ZNF644: variants seen among roughly 807,000 people sequenced by gnomAD.
ZNF644 encodes the protein zinc finger motif enhancer binding protein 2.
In ZNF644, 20 loss-of-function variants were observed where a neutral mutation model predicts 108.0. The ratio of observed to expected loss-of-function variants is 0.19; its 90% CI spans 0.13 to 0.27. The LOEUF is 0.27. Among genes scored for constraint, ZNF644 ranks in the 10% least tolerant of loss-of-function variants. ZNF644 has a pLI of 1.00. For synonymous variants in ZNF644, 542 were observed against 539.1 expected (o/e 1.01, Z -0.08); for missense variants, 1,338 against 1,548.9 (o/e 0.86, Z 2.29).
chr1:90,963,337 C>T (rs1654517828), intron 2 of ZNF644, among the ~76,000 whole-genome samples: 1 of 151,924 alleles, frequency 6.6e-6, no homozygotes. Context: ...ATATTAATAC[C>T]GAGTGTTAGT....
At chr1:90,982,428 C>T (rs358691) in intron 1 of ZNF644, 58 bp from the exon 2 acceptor site, 1,051,456 of 1,160,318 alleles carry the variant, frequency 0.91, 477,503 homozygotes, top group East Asian at 1. Context: ...CATGAATAAC[C>T]ATAGCTACAA....
intron 1 of ZNF644, among the ~76,000 whole-genome samples, chr1:91,013,991 T>C (rs748419139): frequency 6.6e-6 from 1 of 152,206 alleles, no homozygotes; most frequent in Non-Finnish European, 1.5e-5. Context: ...CTTATATTTC[T>C]ATTGGGCAGT....
intron 4 of ZNF644, chr1:90,935,295 A>C (rs2100908518): frequency 1.1e-6 from 1 of 888,194 alleles, no homozygotes; most frequent in Non-Finnish European, 1.3e-6. Flanking sequence ...TCAGACTCAA[A>C]TGCAGCTTAC....
intron 4 of ZNF644, among the ~76,000 whole-genome samples, chr1:90,927,127 A>G (rs1479700988): frequency 6.6e-6 from 1 of 151,820 alleles, no homozygotes; most frequent in Non-Finnish European, 1.5e-5. Flanking sequence ...GGTCCATTCA[A>G]ATGCTAATTC....
intron 4 of ZNF644, among the ~76,000 whole-genome samples, chr1:90,921,428 A>C (rs1649427667): frequency 6.6e-6 from 1 of 151,932 alleles, no homozygotes; most frequent in African/African-American, 2.4e-5. Context: ...ACTTAAAAAC[A>C]AAAAACCCAC....
intron 2 of ZNF644, among the ~76,000 whole-genome samples, chr1:90,945,930 A>G (rs975670523): frequency 1.4e-4 from 21 of 152,178 alleles, no homozygotes; most frequent in Admixed American, 3.3e-4. Context: ...ATTAATTGCT[A>G]TATTACACAG....
Position 90,940,927 on chromosome 1 carries a change from G to A in ZNF644, c.427C>T (p.Pro143Ser). Residue 143 changes from proline to serine, a missense_variant, in exon 3 of 6, where the codon CCT becomes TCT. Coordinates refer to ENST00000337393, the MANE Select transcript of ZNF644 (RefSeq NM_201269.3). ...GATTCTGTTGTTGGCTGATCCACAG[G>A]CTGTCCAGTGGTTAATGAAACACTG... ...KGSVSLTTGQ[P>S]VDQPTTESCS... 1 of 1,614,096 alleles carries A rather than the reference G, an allele frequency of 6.2e-7. No individual in the cohort carries two copies.
At chr1:91,018,369 A>G (rs1046763730) in intron 1 of ZNF644, among the ~76,000 whole-genome samples, 2 of 152,130 alleles carry the variant, frequency 1.3e-5, no homozygotes, top group Admixed American at 6.5e-5. Flanking sequence ...TGACAACTTT[A>G]CTCAATATTT....
chr1:90,999,569 G>A (rs936319616), intron 1 of ZNF644, among the ~76,000 whole-genome samples: 2 of 152,164 alleles, frequency 1.3e-5, no homozygotes, highest in Non-Finnish European at 2.9e-5. Flanking sequence ...TCCGGTACCA[G>A]CCACTGCAAA....
chr1:90,998,037 A>C (rs1337043953), intron 1 of ZNF644, among the ~76,000 whole-genome samples: 1 of 152,194 alleles, frequency 6.6e-6, no homozygotes, highest in Non-Finnish European at 1.5e-5. Context: ...GTAGGTAAAC[A>C]AAGCGGCCAG....
intron 4 of ZNF644, among the ~76,000 whole-genome samples, chr1:90,931,743 A>T (rs1557555169): frequency 6.6e-6 from 1 of 152,078 alleles, no homozygotes; most frequent in Non-Finnish European, 1.5e-5. Context: ...CCTTTTACAA[A>T]TATTAGGGAA....
At chr1:90,947,735 C>T (rs1313620213) in intron 2 of ZNF644, among the ~76,000 whole-genome samples, 1 of 151,992 alleles carries the variant, frequency 6.6e-6, no homozygotes, top group Admixed American at 6.6e-5. Flanking sequence ...ATGGGGTTAC[C>T]TCCCAATAAA....
chr1:90,961,172 T>C (rs946173860), intron 2 of ZNF644, among the ~76,000 whole-genome samples: 7 of 152,110 alleles, frequency 4.6e-5, no homozygotes, highest in Non-Finnish European at 5.9e-5. Context: ...ATATGGAATT[T>C]AAAAACACAA....
chr1:91,012,557 G>A (rs1233367182), intron 1 of ZNF644, among the ~76,000 whole-genome samples: 1 of 152,146 alleles, frequency 6.6e-6, no homozygotes, highest in East Asian at 1.9e-4. Context: ...GGTTAAAATA[G>A]TGGTTACTTC....
chr1:90,986,176 A>G (rs1557632877), intron 1 of ZNF644, among the ~76,000 whole-genome samples: 1 of 152,122 alleles, frequency 6.6e-6, no homozygotes, highest in South Asian at 2.1e-4. Context: ...GAACACCTGA[A>G]TACTAAAATG....
At chr1:91,005,655 A>G (rs1057500987) in intron 1 of ZNF644, among the ~76,000 whole-genome samples, 15 of 152,206 alleles carry the variant, frequency 9.9e-5, no homozygotes, top group African/African-American at 3.1e-4. Context: ...GTGGAAATTA[A>G]GCAACAAACA....
chr1:90,956,083 C>G (rs1653728107), intron 2 of ZNF644, among the ~76,000 whole-genome samples: 1 of 152,132 alleles, frequency 6.6e-6, no homozygotes, highest in South Asian at 2.1e-4. Context: ...GGGAGAGAGA[C>G]AGGCAAGGAA....
chr1:90,974,876 C>T (rs1019992102), intron 2 of ZNF644, among the ~76,000 whole-genome samples: 4 of 152,214 alleles, frequency 2.6e-5, no homozygotes, highest in African/African-American at 9.6e-5. Flanking sequence ...CTTACTCTCT[C>T]GTCTAATCTC....
intron 4 of ZNF644, chr1:90,918,416 AC>A: frequency 2.4e-6 from 1 of 412,878 alleles, no homozygotes. Flanking sequence ...ATGCTTTACC[AC>A]ACCAAACTAG....
Sources: allele counts gnomAD v4.1 joint callset (sites outside exome capture counted in the v4.1 genomes callset), GRCh38; gene constraint gnomAD v4.1.1; transcripts MANE v1.5; gene names NCBI Gene and HGNC (gene_info 2026-07-23, HGNC 2026-07-21).